BLTP1: variants seen among roughly 807,000 people sequenced by gnomAD.
The protein encoded by BLTP1 is bridge-like lipid transfer protein family member 1.
the BLTP1 span, among the ~76,000 whole-genome samples, chr4:122,329,936 T>C: frequency 2.0e-5 from 3 of 151,844 alleles, no homozygotes; most frequent in Non-Finnish European, 4.4e-5. Flanking sequence ...CTTCTATGAG[T>C]TGGACAATTT....
the BLTP1 span, chr4:122,215,531 G>A: frequency 1.0e-6 from 1 of 985,268 alleles, no homozygotes; most frequent in East Asian, 1.1e-4. Flanking sequence ...GCCATTTACA[G>A]ATGGAAGTAT....
At chr4:122,216,061 G>A in the BLTP1 span, among the ~76,000 whole-genome samples, 1 of 151,548 alleles carries the variant, frequency 6.6e-6, no homozygotes, top group Admixed American at 6.6e-5. Flanking sequence ...ATATATGTGT[G>A]TGTGTGTGTA....
chr4:122,230,963 G>A, the BLTP1 span, among the ~76,000 whole-genome samples: 2 of 151,782 alleles, frequency 1.3e-5, no homozygotes, highest in African/African-American at 4.8e-5. Flanking sequence ...TATATCCCAA[G>A]CATCTGGCCA....
At chr4:122,277,079 T>G in the BLTP1 span, 5 of 984,870 alleles carry the variant, frequency 5.1e-6, no homozygotes, top group South Asian at 1.4e-4. Context: ...AAGGATCACA[T>G]TTATATTAGA....
the BLTP1 span, chr4:122,274,758 A>G: frequency 6.2e-6 from 2 of 321,448 alleles, no homozygotes; most frequent in African/African-American, 4.5e-5. Flanking sequence ...ATGTTGTGCT[A>G]CTGTTATCCT....
the BLTP1 span, chr4:122,174,698 T>C: frequency 8.4e-6 from 11 of 1,305,514 alleles, no homozygotes; most frequent in East Asian, 1.4e-4. Flanking sequence ...AAACATACTT[T>C]AAAAATATTG....
At chr4:122,325,921 C>T in the BLTP1 span, 1 of 962,910 alleles carries the variant, frequency 1.0e-6, no homozygotes. Flanking sequence ...TTTTCAGGTA[C>T]TTACTAAGAA....
the BLTP1 span, chr4:122,184,777 A>G: frequency 8.1e-6 from 8 of 985,372 alleles, no homozygotes; most frequent in Non-Finnish European, 9.6e-6. Context: ...CACACATGAG[A>G]AACTGCAAAA....
the BLTP1 span, chr4:122,353,995 T>C: frequency 6.2e-7 from 1 of 1,613,692 alleles, no homozygotes; most frequent in Non-Finnish European, 8.5e-7. This position sits in a 1 kb window ranked among gnomAD's most constrained non-coding sequence, Gnocchi z 4.3. Flanking sequence ...GGTTCAATTA[T>C]GTTACAGCTA....
chr4:122,350,040 G>T, the BLTP1 span: 1 of 1,613,784 alleles, frequency 6.2e-7, no homozygotes, highest in South Asian at 1.1e-5. Flanking sequence ...CAAAGACAAT[G>T]ACTAGCAACC....
At chr4:122,271,872 T>C in the BLTP1 span, 1 of 699,120 alleles carries the variant, frequency 1.4e-6, no homozygotes, top group East Asian at 2.7e-5. Context: ...AATAAAACAG[T>C]AATGGAATTC....
chr4:122,343,856 T>A, the BLTP1 span: 1 of 677,624 alleles, frequency 1.5e-6, no homozygotes, highest in Non-Finnish European at 1.8e-6. Context: ...CACAGTAATC[T>A]CTGGATATCA....
At chr4:122,308,685 A>G in the BLTP1 span, among the ~76,000 whole-genome samples, 3 of 152,096 alleles carry the variant, frequency 2.0e-5, no homozygotes, top group African/African-American at 4.8e-5. Flanking sequence ...GGAATATGTA[A>G]CTGCATGCAC....
chr4:122,209,007 TA>T, the BLTP1 span: 14 of 608,722 alleles, frequency 2.3e-5, no homozygotes, highest in Non-Finnish European at 3.0e-5. Context: ...AAAAAAAAGA[TA>T]AATAATACAA....
the BLTP1 span, chr4:122,324,641 T>A: frequency 2.4e-6 from 2 of 843,956 alleles, no homozygotes; most frequent in Non-Finnish European, 3.5e-6. Flanking sequence ...ATAACAAAAA[T>A]TAATTTTATT....
the BLTP1 span, among the ~76,000 whole-genome samples, chr4:122,177,297 C>T: frequency 6.6e-6 from 1 of 152,162 alleles, no homozygotes; most frequent in South Asian, 2.1e-4. Context: ...ATCCTACATC[C>T]AGAATCCAAC....
the BLTP1 span, chr4:122,307,513 A>G: frequency 2.0e-6 from 2 of 985,308 alleles, no homozygotes; most frequent in Non-Finnish European, 2.4e-6. Context: ...ACAAACTCAA[A>G]CATCTTTGAC....
the BLTP1 span, chr4:122,154,991 G>A: frequency 2.6e-5 from 23 of 890,956 alleles, no homozygotes; most frequent in Non-Finnish European, 2.4e-5. Context: ...AATAATGGAA[G>A]ACATGATCAA....
the BLTP1 span, among the ~76,000 whole-genome samples, chr4:122,163,483 G>A: frequency 6.6e-5 from 10 of 152,342 alleles, no homozygotes; most frequent in African/African-American, 2.4e-4. Flanking sequence ...GCACTCAGCA[G>A]GGTATCACAG....
Sources: gnomAD v4.1 joint callset for allele counts (sites outside exome capture counted in the v4.1 genomes callset) on GRCh38, gnomAD v4.1.1 for gene constraint, Gnocchi (gnomAD v3.1) non-coding constraint, MANE v1.5 for transcripts, NCBI Gene and HGNC (gene_info 2026-07-23, HGNC 2026-07-21) for gene names.